The following TBCD variants were observed in gnomAD, a reference collection of about 807,000 sequenced individuals.
The protein encoded by TBCD is tubulin folding cofactor D, also known as tubulin-specific chaperone D.
In TBCD, 105 loss-of-function variants were observed where a neutral mutation model predicts 169.3. The observed-to-expected ratio is 0.62, with a 90% CI of 0.53 to 0.73. The LOEUF (loss-of-function observed/expected upper bound fraction) is 0.73. Ranked by LOEUF, TBCD falls within the 30% of genes least tolerant of loss-of-function variation. TBCD has a pLI of 0.00. For synonymous variants in TBCD, 700 were observed against 643.9 expected (o/e 1.09, Z -1.32); for missense variants, 1,444 against 1,600.1 (o/e 0.90, Z 1.66).
At chr17:82,941,006 C>T (rs556585762) in intron 37 of TBCD, among the ~76,000 whole-genome samples, 13 of 152,200 alleles carry the variant, frequency 8.5e-5, no homozygotes, top group Non-Finnish European at 1.3e-4. Context: ...AAATTAGAAA[C>T]GAAAAACATG....
At chr17:82,798,048 C>G (rs1275177253) in intron 8 of TBCD, among the ~76,000 whole-genome samples, 2 of 143,146 alleles carry the variant, frequency 1.4e-5, no homozygotes, top group Admixed American at 1.5e-4. Flanking sequence ...ACAATCTTGG[C>G]TCACTGCAGC....
intron 2 of TBCD, among the ~76,000 whole-genome samples, chr17:82,757,620 T>C (rs1432396438): frequency 7.5e-6 from 1 of 132,542 alleles, no homozygotes; most frequent in Admixed American, 7.7e-5. Flanking sequence ...AGACTTCATC[T>C]CAAAAAAAAA....
At chr17:82,760,356 A>AT (rs1314647479) in intron 2 of TBCD, among the ~76,000 whole-genome samples, 5 of 152,184 alleles carry the variant, frequency 3.3e-5, no homozygotes, top group African/African-American at 1.2e-4. Context: ...CTAAGATTTA[A>AT]TTTTCATGTC....
At chr17:82,872,924 C>T (rs1240525002) in intron 14 of TBCD, among the ~76,000 whole-genome samples, 2 of 144,108 alleles carry the variant, frequency 1.4e-5, no homozygotes, top group Non-Finnish European at 3.0e-5. Context: ...CACCTCGTGG[C>T]CGACGGCTTC....
At chr17:82,936,367 C>T (rs1020821774) in intron 34 of TBCD, among the ~76,000 whole-genome samples, 2 of 151,752 alleles carry the variant, frequency 1.3e-5, no homozygotes, top group South Asian at 4.1e-4. Context: ...CTTTCCGCTT[C>T]GCCGTTCCCT....
intron 22 of TBCD, among the ~76,000 whole-genome samples, chr17:82,910,661 G>C (rs78395964): frequency 6.6e-6 from 1 of 151,660 alleles, no homozygotes; most frequent in Non-Finnish European, 1.5e-5. Flanking sequence ...CACCTCCCAC[G>C]TTCAAGCGAC....
chr17:82,935,899 G>GA (rs951832377), intron 34 of TBCD, among the ~76,000 whole-genome samples: 2 of 152,234 alleles, frequency 1.3e-5, no homozygotes, highest in African/African-American at 4.8e-5. Context: ...GGATTTCCTC[G>GA]AGTGGGGTCT....
At chr17:82,839,503 C>T (rs1038050112) in intron 13 of TBCD, among the ~76,000 whole-genome samples, 2 of 151,262 alleles carry the variant, frequency 1.3e-5, no homozygotes, top group African/African-American at 4.9e-5. Flanking sequence ...CTAAATTCAG[C>T]CCTAATGTAC....
intron 15 of TBCD, among the ~76,000 whole-genome samples, chr17:82,887,164 TGTGTGC>T (rs1351184017): frequency 3.8e-5 from 4 of 104,458 alleles, no homozygotes; most frequent in African/African-American, 1.8e-4. Flanking sequence ...TGTGTGTGTG[TGTGTGC>T]GCGCGCGCGC....
At chr17:82,895,264 G>A (rs942050188) in intron 17 of TBCD, among the ~76,000 whole-genome samples, 3 of 152,222 alleles carry the variant, frequency 2.0e-5, no homozygotes, top group Non-Finnish European at 2.9e-5. Context: ...TCCTGAGGGC[G>A]GCATCACGGG....
intron 26 of TBCD, among the ~76,000 whole-genome samples, chr17:82,924,208 C>G (rs2061584434): frequency 2.6e-5 from 4 of 152,200 alleles, no homozygotes; most frequent in Admixed American, 2.6e-4. Flanking sequence ...CCTGCCTCAG[C>G]CTCCCAAAGT....
intron 13 of TBCD, among the ~76,000 whole-genome samples, chr17:82,861,545 C>T (rs1215955065): frequency 6.6e-6 from 1 of 152,244 alleles, no homozygotes; most frequent in African/African-American, 2.4e-5. Flanking sequence ...CTGAGCCCGG[C>T]CCCGGTGTGC....
In TBCD at chr17:82,857,412, CT is replaced by C. The variant is rs949668609; in HGVS notation, c.1319-12803del. On this transcript the variant is annotated intron_variant, in intron 13 of 38. Transcript: ENST00000355528. ...TATTTTCTCCCATTCTGTTGGTTGT[CT>C]TTTTTTTTCTTTTGATAATGTCTTT... Among the ~76,000 whole-genome samples, 12 of 151,890 alleles carry C rather than the reference CT, an allele frequency of 7.9e-5. No individual in the cohort carries two copies. In the Middle Eastern group the frequency reaches 0.01, roughly 129 times the overall value.
chr17:82,784,474 G>A (rs1568128087), intron 7 of TBCD, among the ~76,000 whole-genome samples: 1 of 152,178 alleles, frequency 6.6e-6, no homozygotes, highest in East Asian at 1.9e-4. Context: ...GGAGGGGTAG[G>A]GCAGGGAGGA....
At chr17:82,881,479 A>G (rs1476426131) in intron 14 of TBCD, among the ~76,000 whole-genome samples, 4 of 151,792 alleles carry the variant, frequency 2.6e-5, no homozygotes, top group Admixed American at 6.6e-5. Flanking sequence ...CTGCCAGGCC[A>G]CTCCTGACAG....
chr17:82,826,959 C>T lies in TBCD; in HGVS notation c.1318+12025C>T, dbSNP rs373691838. On this transcript the variant is annotated intron_variant, in intron 13 of 38. Coordinates refer to ENST00000355528, the MANE Select transcript of TBCD (RefSeq NM_005993.5). ...CCTGGCTGACTATTTTTATTAGAGA[C>T]GGTGTTTTTCCATGTTGCCCAGGCT... Among the ~76,000 whole-genome samples, 31 of 151,982 alleles carry T rather than the reference C, an allele frequency of 2.0e-4. No individual in the cohort carries two copies. In the East Asian group the frequency reaches 2.1e-3, roughly 10 times the overall value.
At chr17:82,850,182 G>C (rs764259712) in intron 13 of TBCD, among the ~76,000 whole-genome samples, 1,306 of 39,554 alleles carry the variant, frequency 0.033, 47 homozygotes, top group Non-Finnish European at 0.044. Flanking sequence ...GCTGCTGTTG[G>C]CTGTGCTGCT....
intron 23 of TBCD, among the ~76,000 whole-genome samples, chr17:82,916,511 G>A (rs2061045512): frequency 6.8e-6 from 1 of 147,296 alleles, no homozygotes; most frequent in African/African-American, 2.5e-5. Flanking sequence ...TCCCAAAGGT[G>A]CTGTTTTTTT....
rs1003362496 is a variant in TBCD, at chr17:82,830,019, T to C, written c.1318+15085T>C. The C allele has an allele frequency of 1.1e-5, 16 of 1,443,376 alleles. No individual in the cohort carries two copies. The Admixed American group carries it at 1.6e-4, about 14-fold the overall frequency. 89.4% of individuals were successfully genotyped at this position (1,443,376 alleles called of 1,614,324 possible). A position where few individuals can be genotyped will look rare whatever the true frequency, so the allele number is the denominator to read the frequency against. Reference sequence around the variant, plus strand: ...TTTTTGTTTGTTTGTTTGTTTGTTTTTTTGAGAAGCAGCAGCTGCATTTGT... The same window carrying C: ...TTTTTGTTTGTTTGTTTGTTTGTTTCTTTGAGAAGCAGCAGCTGCATTTGT... On this transcript the variant is annotated intron_variant, in intron 13 of 38. Coordinates refer to ENST00000355528, the MANE Select transcript of TBCD (RefSeq NM_005993.5).
Sources: allele counts gnomAD v4.1 joint callset (sites outside exome capture counted in the v4.1 genomes callset), GRCh38; gene constraint gnomAD v4.1.1; transcripts MANE v1.5; gene names NCBI Gene and HGNC (gene_info 2026-07-23, HGNC 2026-07-21).